TBC1D8: variants seen among roughly 807,000 people sequenced by gnomAD.
The protein encoded by TBC1D8 is TBC1 domain family member 8, also known as BUB2-like protein 1.
In TBC1D8, 65 loss-of-function variants were observed where a neutral mutation model predicts 118.8. That is an observed-to-expected ratio of 0.55 (90% CI 0.45 to 0.67). The LOEUF (loss-of-function observed/expected upper bound fraction) is 0.67, where lower values mean the gene tolerates loss of function less well. TBC1D8 is among the 30% of genes least tolerant of loss of function. TBC1D8 has a pLI of 0.00. For synonymous variants in TBC1D8, 566 were observed against 595.8 expected (o/e 0.95, Z 0.73); for missense variants, 1,376 against 1,471.2 (o/e 0.94, Z 1.06).
At chr2:101,093,796 G>A (rs540104112) in intron 1 of TBC1D8, among the ~76,000 whole-genome samples, 95 of 151,990 alleles carry the variant, frequency 6.3e-4, no homozygotes, top group African/African-American at 2.0e-3. Flanking sequence ...TGCAACCTCC[G>A]CCTCCCAGGT....
At chr2:101,132,924 A>C (rs1678657288) in intron 1 of TBC1D8, among the ~76,000 whole-genome samples, 1 of 151,910 alleles carries the variant, frequency 6.6e-6, no homozygotes, top group African/African-American at 2.4e-5. Flanking sequence ...AAATATTCTT[A>C]TATCTGCAAT....
intron 2 of TBC1D8, among the ~76,000 whole-genome samples, chr2:101,078,992 C>T (rs78974514): frequency 2.9e-4 from 44 of 152,160 alleles, no homozygotes; most frequent in African/African-American, 1.1e-3. Flanking sequence ...CCCCGGGGAC[C>T]TCATGGAATG....
chr2:101,038,046 C>T (rs1431522634), intron 7 of TBC1D8, among the ~76,000 whole-genome samples: 1 of 152,172 alleles, frequency 6.6e-6, no homozygotes, highest in Non-Finnish European at 1.5e-5. Context: ...GCTGCACCTC[C>T]TTTTCTCCCC....
rs189052105 is a variant in TBC1D8, at chr2:101,137,926, C to T, written c.127+13201G>A. On this transcript the variant is annotated intron_variant, in intron 1 of 19. Transcript: ENST00000409318. ...TCTTACTGCTATAAAGAAATACCCG[C>T]GACTGGGTAATTTCTAAAGAAAAGA... Among the ~76,000 whole-genome samples, 29 of 152,228 alleles carry T rather than the reference C, an allele frequency of 1.9e-4. No homozygotes were observed. The East Asian group carries it at 3.9e-3, about 20-fold the overall frequency.
chr2:101,008,462 A>T (rs550930897), intron 19 of TBC1D8, among the ~76,000 whole-genome samples, 189 bp from the exon 20 acceptor site: 8 of 152,194 alleles, frequency 5.3e-5, no homozygotes, highest in Non-Finnish European at 1.2e-4. Context: ...TTCAGCACAG[A>T]CTTGGAAATG....
chr2:101,085,075 T>C (rs1675523093), intron 2 of TBC1D8, among the ~76,000 whole-genome samples: 1 of 151,940 alleles, frequency 6.6e-6, no homozygotes, highest in African/African-American at 2.4e-5. Context: ...ATGGTCGCGA[T>C]CTCCTGACCT....
At chr2:101,124,930 C>T (rs1406645281) in intron 1 of TBC1D8, among the ~76,000 whole-genome samples, 1 of 152,190 alleles carries the variant, frequency 6.6e-6, no homozygotes, top group African/African-American at 2.4e-5. Context: ...AGAGCCCTTA[C>T]CTTCCCATGT....
At chr2:101,027,232 A>G in intron 15 of TBC1D8, 151 bp downstream of exon 15, 1 of 595,254 alleles carries the variant, frequency 1.7e-6, no homozygotes, top group Non-Finnish European at 3.0e-6. Context: ...AGAAGCAGGT[A>G]GGCAGGCTAA....
rs367956913 is a variant in TBC1D8 at position 101,038,226 on chromosome 2, G to A, written c.1275+235C>T. 3.9e-5 allele frequency among the ~76,000 whole-genome samples: 6 copies of A among 152,066 alleles called. No homozygotes were observed. In the East Asian group the frequency reaches 9.7e-4, roughly 25 times the overall value. On this transcript the variant is annotated intron_variant, in intron 7 of 19. Coordinates refer to ENST00000409318, the MANE Select transcript of TBC1D8 (RefSeq NM_001330348.2). Reference sequence around the variant, plus strand: ...CAATCAGGCCATCCTCAAACCTCAGGAGCAGGGATAGCAACCCTTCTCACC... The same window carrying A: ...CAATCAGGCCATCCTCAAACCTCAGAAGCAGGGATAGCAACCCTTCTCACC...
At chr2:101,133,611 G>C (rs1034797689) in intron 1 of TBC1D8, among the ~76,000 whole-genome samples, 1 of 152,186 alleles carries the variant, frequency 6.6e-6, no homozygotes, top group Non-Finnish European at 1.5e-5. Flanking sequence ...GGTGGGTAGG[G>C]AGAGGGAGCT....
intron 2 of TBC1D8, among the ~76,000 whole-genome samples, chr2:101,082,058 G>A (rs894835733): frequency 2.6e-5 from 4 of 152,186 alleles, no homozygotes; most frequent in Non-Finnish European, 4.4e-5. Context: ...AGAATCACTC[G>A]AGCCTGGGAG....
In TBC1D8 at chr2:101,050,471, G is replaced by C; in HGVS notation, c.802C>G (p.Arg268Gly). ...AAGACCTCATTATCCAGCAGCCTTC[G>C]CAGCGTCACGTCGGCCAGCTGCTCC... ...VMEQLADVTL[R>G]RLLDNEVFDL... Residue 268 changes from arginine to glycine, a missense_variant, in exon 5 of 20, where the codon CGA (arginine) becomes GGA (glycine). Transcript: ENST00000409318. The C allele has an allele frequency of 6.2e-7, 1 of 1,613,886 alleles. No individual in the cohort carries two copies. Among genetic ancestry groups the C allele is most frequent in the Non-Finnish European group, 8.5e-7 (1 of 1,179,840 alleles).
chr2:101,075,993 A>G (rs552684183), intron 2 of TBC1D8, among the ~76,000 whole-genome samples: 70 of 152,310 alleles, frequency 4.6e-4, no homozygotes, highest in Non-Finnish European at 9.0e-4. Flanking sequence ...AAATGATACT[A>G]AAAAGGGGAG....
rs537615668 is a variant in TBC1D8 at position 101,131,846 on chromosome 2, T to C, written c.127+19281A>G. ...AAGAAAAAAAACAAGGTTCCAAATA[T>C]AGTTGTTCAACAAGAAAAGCTGGGA... On this transcript the variant is annotated intron_variant, in intron 1 of 19. Transcript: ENST00000409318. Among the ~76,000 whole-genome samples the C allele has an allele frequency of 3.3e-5, 5 of 152,202 alleles. No homozygotes were observed. In the South Asian group the frequency reaches 1.0e-3, roughly 32 times the overall value.
intron 1 of TBC1D8, among the ~76,000 whole-genome samples, chr2:101,148,352 T>C (rs1175007940): frequency 1.3e-5 from 2 of 152,210 alleles, no homozygotes; most frequent in Non-Finnish European, 2.9e-5. Context: ...CATCCATTCA[T>C]CCTACAAATG....
rs987007239 is a variant in TBC1D8 at position 101,028,096 on chromosome 2, G to A, written c.2403C>T (p.His801=). The stretch of plus-strand genomic sequence containing the variant: ...CGTGGCCTTGGAGGACCCTGATCCT[G>A]TGCTTGTAACGTAGGTGCTCGATCT... ...VEQIEHLRYK[H]RIRVLQGHED... The change falls in exon 14 of 20, where the codon CAC becomes CAT. Residue 801 remains histidine (H), a synonymous_variant. Transcript: ENST00000409318. 2.5e-6 allele frequency: 4 copies of A among 1,613,982 alleles called. No individual in the cohort carries two copies. In the Middle Eastern group the frequency reaches 5.0e-4, roughly 200 times the overall value.
At chr2:101,123,384 C>T (rs1194592218) in intron 1 of TBC1D8, among the ~76,000 whole-genome samples, 2 of 152,112 alleles carry the variant, frequency 1.3e-5, no homozygotes, top group Non-Finnish European at 2.9e-5. Flanking sequence ...AGCGGTTGTA[C>T]ATAGTGCAAA....
chr2:101,123,769 T>A (rs732136), intron 1 of TBC1D8, among the ~76,000 whole-genome samples: 1 of 152,044 alleles, frequency 6.6e-6, no homozygotes, highest in East Asian at 1.9e-4. Flanking sequence ...AGTCTTATGA[T>A]AAAGGAACAG....
At position 101,047,014 on chromosome 2, in the gene TBC1D8, C is replaced by G. The variant is rs112884237; in HGVS notation, c.872+3387G>C. Among the ~76,000 whole-genome samples the G allele has an allele frequency of 1.4e-3, 212 of 152,322 alleles. 1 individual carries two copies. The highest frequency in any genetic ancestry group is 4.9e-3 in the African/African-American group (203 of 41,578). Reference sequence around the variant, plus strand: ...CTTTTTTTCACCCCACCATTCCCAACTTTGGGATACATCTTTTCTGTTTTG... The same window carrying G: ...CTTTTTTTCACCCCACCATTCCCAAGTTTGGGATACATCTTTTCTGTTTTG... On this transcript the variant is annotated intron_variant, in intron 5 of 19. Transcript: ENST00000409318.
Sources: gnomAD v4.1 joint callset for allele counts (sites outside exome capture counted in the v4.1 genomes callset) on GRCh38, gnomAD v4.1.1 for gene constraint, MANE v1.5 for transcripts, NCBI Gene and HGNC (gene_info 2026-07-23, HGNC 2026-07-21) for gene names.